The following WFDC1 variants were observed in gnomAD, a reference collection of about 807,000 sequenced individuals.
WFDC1 encodes the protein WAP four-disulfide core domain 1, also known as WAP four-disulfide core domain protein 1.
A neutral mutation model predicts 32.9 loss-of-function variants in WFDC1; 39 were observed. The ratio of observed to expected loss-of-function variants is 1.19; its 90% CI spans 0.92 to 1.55. WFDC1 has a LOEUF of 1.55. Among genes scored for constraint, WFDC1 ranks in the 40% most tolerant of loss-of-function variants. The pLI is 0.00. For synonymous variants in WFDC1, 184 were observed against 137.4 expected, an observed-to-expected ratio of 1.34 and a Z score of -2.37; for missense variants, 386 against 309.5, an observed-to-expected ratio of 1.25 and a Z score of -1.85.
chr16:84,304,899 G>A (rs937252513), intron 1 of WFDC1, among the ~76,000 whole-genome samples: 8 of 152,192 alleles, frequency 5.3e-5, no homozygotes, highest in African/African-American at 9.7e-5. Flanking sequence ...ACTTTGGGAG[G>A]GGGAGAGAGC....
chr16:84,326,630 A>C (rs1332977506), intron 5 of WFDC1: 2 of 482,012 alleles, frequency 4.1e-6, no homozygotes, highest in Non-Finnish European at 7.5e-6. Context: ...GCCATCCCCA[A>C]AGCTGGAGTG....
At chr16:84,295,203 C>G in intron 1 of WFDC1, 88 bp downstream of exon 1, 1 of 1,520,452 alleles carries the variant, frequency 6.6e-7, no homozygotes, top group Non-Finnish European at 8.9e-7. Context: ...CTGCCTTCTC[C>G]TGTAAGTGCT....
chr16:84,318,014 C>T (rs1289746487), intron 2 of WFDC1: 5 of 401,278 alleles, frequency 1.2e-5, no homozygotes, highest in African/African-American at 4.0e-5. Context: ...CAGGAAGTTG[C>T]ATGGTCACTG....
intron 6 of WFDC1, chr16:84,327,570 G>A (rs1408726350): frequency 6.6e-6 from 1 of 152,250 alleles, no homozygotes; most frequent in Non-Finnish European, 1.5e-5. Context: ...TTTGCTTAAA[G>A]TTGCAGTTTC....
At chr16:84,328,770 T>G (rs1194551396) in intron 6 of WFDC1, 1 of 134,684 alleles carries the variant, frequency 7.4e-6, no homozygotes, top group Non-Finnish European at 1.6e-5. Flanking sequence ...GCCAACATGG[T>G]GAAACCCTAT....
In WFDC1 at chr16:84,296,482, G is replaced by T. The variant is rs529600055; in HGVS notation, c.144+1367G>T. Among the ~76,000 whole-genome samples the T allele has an allele frequency of 2.6e-5, 4 of 152,242 alleles. No individual in the cohort carries two copies. In the South Asian group the frequency reaches 6.2e-4, roughly 24 times the overall value. On this transcript the variant is annotated intron_variant, in intron 1 of 6. Transcript: ENST00000219454. ...AGTCAGACAGGGTTTTTAGGGTTGG[G>T]GACAGTGGACCTGTGGCTTTAAAGG...
intron 3 of WFDC1, chr16:84,319,151 A>T (rs1908144014): frequency 4.2e-6 from 2 of 479,354 alleles, no homozygotes; most frequent in Non-Finnish European, 7.4e-6. Flanking sequence ...ATCCGTGAAC[A>T]TGTCTATATG....
At chr16:84,318,083 C>T in intron 2 of WFDC1, 189 bp from the exon 3 acceptor site, 1 of 572,294 alleles carries the variant, frequency 1.7e-6, no homozygotes, top group Non-Finnish European at 3.2e-6. Flanking sequence ...AGCTTTGTGG[C>T]CCAGTGCCCA....
intron 1 of WFDC1, among the ~76,000 whole-genome samples, chr16:84,311,618 T>C (rs1907630290): frequency 1.5e-5 from 2 of 137,924 alleles, no homozygotes; most frequent in South Asian, 5.0e-4. Context: ...AGCCTTGACC[T>C]CCTGGGATCA....
At chr16:84,304,365 ATT>A (rs1395334457) in intron 1 of WFDC1, among the ~76,000 whole-genome samples, 2 of 152,098 alleles carry the variant, frequency 1.3e-5, no homozygotes, top group African/African-American at 4.8e-5. Flanking sequence ...AATAGCTGGG[ATT>A]ATAGGCACCC....
intron 2 of WFDC1, among the ~76,000 whole-genome samples, chr16:84,315,616 G>T (rs1411503471): frequency 6.6e-6 from 1 of 152,172 alleles, no homozygotes; most frequent in Non-Finnish European, 1.5e-5. Flanking sequence ...TTGCTGGGCA[G>T]GGGGGCGCTC....
intron 1 of WFDC1, among the ~76,000 whole-genome samples, chr16:84,299,283 G>C (rs145860040): frequency 6.6e-6 from 1 of 152,066 alleles, no homozygotes; most frequent in African/African-American, 2.4e-5. Context: ...AGAATTGCTT[G>C]AACCCTGGGA....
intron 1 of WFDC1, among the ~76,000 whole-genome samples, chr16:84,297,399 C>A (rs1906659753): frequency 6.6e-6 from 1 of 152,086 alleles, no homozygotes; most frequent in Non-Finnish European, 1.5e-5. Flanking sequence ...GGGTGGATCA[C>A]CTGAGGTCAG....
rs1024486913 is a variant in WFDC1 at position 84,299,641 on chromosome 16, G to A, written c.144+4526G>A. Among the ~76,000 whole-genome samples the A allele has an allele frequency of 3.9e-5, 6 of 152,208 alleles. No individual in the cohort carries two copies. The East Asian group carries it at 9.6e-4, about 24-fold the overall frequency. On this transcript the variant is annotated intron_variant, in intron 1 of 6. Transcript: ENST00000219454. ...TTGGGAGCCTCTCGACAAATCCACC[G>A]GGTGGGGCCCATGGCAGCCACCATG... is the stretch of plus-strand genomic sequence containing the variant.
At chr16:84,313,260 C>A in intron 2 of WFDC1, 107 bp downstream of exon 2, 1 of 1,123,992 alleles carries the variant, frequency 8.9e-7, no homozygotes, top group Non-Finnish European at 1.1e-6. Context: ...GCCACCTGGG[C>A]GGGTCTCGGG....
chr16:84,302,142 C>T (rs1420163476), intron 1 of WFDC1, among the ~76,000 whole-genome samples: 1 of 152,024 alleles, frequency 6.6e-6, no homozygotes, highest in Non-Finnish European at 1.5e-5. Context: ...TGTTTGGATG[C>T]AACGTCCAGA....
intron 1 of WFDC1, among the ~76,000 whole-genome samples, chr16:84,311,367 G>A (rs1039248698): frequency 2.7e-5 from 4 of 145,868 alleles, no homozygotes; most frequent in East Asian, 2.0e-4. Context: ...ACAGGTGCTC[G>A]CCACCACGCC....
At chr16:84,315,631 G>C (rs573429174) in intron 2 of WFDC1, among the ~76,000 whole-genome samples, 2 of 152,150 alleles carry the variant, frequency 1.3e-5, no homozygotes, top group African/African-American at 4.8e-5. Flanking sequence ...GCGCTCTCCC[G>C]TGCACTGTAG....
intron 1 of WFDC1, among the ~76,000 whole-genome samples, chr16:84,311,379 G>A (rs146167308): frequency 0.18 from 16,594 of 93,920 alleles, 1,191 homozygotes; most frequent in South Asian, 0.31. Flanking sequence ...CACCACGCCC[G>A]GCTAATTTTT....
Sources: allele counts gnomAD v4.1 joint callset (sites outside exome capture counted in the v4.1 genomes callset), GRCh38; gene constraint gnomAD v4.1.1; transcripts MANE v1.5; gene names NCBI Gene and HGNC (gene_info 2026-07-23, HGNC 2026-07-21).